NPAS3: variants seen among roughly 807,000 people sequenced by gnomAD.
The protein encoded by NPAS3 is neuronal PAS domain protein 3, also known as neuronal PAS domain-containing protein 3.
A neutral mutation model predicts 73.1 loss-of-function variants in NPAS3; 14 were observed. That is an observed-to-expected ratio of 0.19 (90% CI 0.13 to 0.30). NPAS3 has a LOEUF of 0.30. Ranked by LOEUF, NPAS3 falls within the 10% of genes least tolerant of loss-of-function variation. The pLI is 1.00. For synonymous variants in NPAS3, 620 were observed against 541.5 expected (o/e 1.14, Z -2.01); for missense variants, 1,096 against 1,250.0 (o/e 0.88, Z 1.86).
At chr14:33,764,332 G>C (rs2062391749) in intron 7 of NPAS3, among the ~76,000 whole-genome samples, 1 of 152,182 alleles carries the variant, frequency 6.6e-6, no homozygotes, top group Non-Finnish European at 1.5e-5. Context: ...AACAAACAAA[G>C]AGAAACAAAG....
chr14:33,490,813 G>T (rs2051856430), intron 4 of NPAS3, among the ~76,000 whole-genome samples: 1 of 152,150 alleles, frequency 6.6e-6, no homozygotes. Flanking sequence ...TTCATGTCCA[G>T]GAGCAAGCTC....
At chr14:33,504,320 T>C (rs1273474504) in intron 4 of NPAS3, among the ~76,000 whole-genome samples, 1 of 152,020 alleles carries the variant, frequency 6.6e-6, no homozygotes, top group Non-Finnish European at 1.5e-5. Flanking sequence ...CAGAAGGTTT[T>C]ATATTGCATG....
chr14:33,210,185 A>G (rs562626398), intron 2 of NPAS3, among the ~76,000 whole-genome samples: 64 of 152,280 alleles, frequency 4.2e-4, no homozygotes, highest in African/African-American at 1.5e-3. Context: ...ACAAAGGATA[A>G]CTTACCTCTT....
At chr14:33,672,324 T>C (rs894268854) in intron 5 of NPAS3, among the ~76,000 whole-genome samples, 3 of 152,244 alleles carry the variant, frequency 2.0e-5, no homozygotes, top group Non-Finnish European at 4.4e-5. Flanking sequence ...AATGCCATTA[T>C]ACTAACATAA....
intron 3 of NPAS3, among the ~76,000 whole-genome samples, chr14:33,281,727 GGTTT>G (rs1281378718): frequency 1.3e-5 from 2 of 151,790 alleles, no homozygotes; most frequent in Non-Finnish European, 2.9e-5. Context: ...CAATTTTCCT[GGTTT>G]GTTACCCAGA....
chr14:33,183,572 C>G (rs1307252004), intron 2 of NPAS3, among the ~76,000 whole-genome samples: 2 of 151,706 alleles, frequency 1.3e-5, no homozygotes, highest in African/African-American at 4.9e-5. Flanking sequence ...CTCCATCACG[C>G]CTGTGTCTGC....
chr14:33,177,046 A>G (rs1175030562), intron 2 of NPAS3, among the ~76,000 whole-genome samples: 1 of 147,470 alleles, frequency 6.8e-6, no homozygotes, highest in Non-Finnish European at 1.5e-5. Context: ...CAGATTCTTT[A>G]TTTTTTAATT....
chr14:33,790,081 T>G (rs1462497369), intron 9 of NPAS3, among the ~76,000 whole-genome samples: 1 of 152,172 alleles, frequency 6.6e-6, no homozygotes, highest in Admixed American at 6.5e-5. Flanking sequence ...ATATTCAAAT[T>G]AGAATCTCTC....
At chr14:33,113,132 A>C (rs1389341714) in intron 2 of NPAS3, among the ~76,000 whole-genome samples, 2 of 152,108 alleles carry the variant, frequency 1.3e-5, no homozygotes, top group Non-Finnish European at 2.9e-5. Context: ...TTGGCTTAGG[A>C]TTGACTTGGC....
At chr14:32,986,349 A>C (rs28531070) in intron 1 of NPAS3, among the ~76,000 whole-genome samples, 82,491 of 152,028 alleles carry the variant, frequency 0.54, 25,378 homozygotes, top group Non-Finnish European at 0.7. Context: ...TTAATTTAAA[A>C]TATTTTGGAT....
At chr14:33,595,336 T>A (rs1459020075) in intron 5 of NPAS3, among the ~76,000 whole-genome samples, 1 of 152,172 alleles carries the variant, frequency 6.6e-6, no homozygotes, top group Non-Finnish European at 1.5e-5. Flanking sequence ...CTTTTTTTTT[T>A]AACTGCCAGT....
intron 4 of NPAS3, among the ~76,000 whole-genome samples, chr14:33,399,804 A>C (rs1476647295): frequency 6.6e-6 from 1 of 152,090 alleles, no homozygotes; most frequent in Non-Finnish European, 1.5e-5. Flanking sequence ...ATTCAAAGAC[A>C]ATATGAGTAG....
intron 4 of NPAS3, among the ~76,000 whole-genome samples, chr14:33,490,743 T>A (rs929497815): frequency 6.6e-6 from 1 of 152,134 alleles, no homozygotes; most frequent in East Asian, 1.9e-4. Flanking sequence ...CTGGAACAAA[T>A]CAAGTCCTTT....
intron 2 of NPAS3, among the ~76,000 whole-genome samples, chr14:33,195,804 T>C (rs1230913545): frequency 6.6e-6 from 1 of 152,212 alleles, no homozygotes; most frequent in Non-Finnish European, 1.5e-5. Flanking sequence ...TTAATAACCA[T>C]GCAAACTCAC....
At chr14:33,050,288 C>CA (rs2040658659) in intron 1 of NPAS3, among the ~76,000 whole-genome samples, 1 of 152,136 alleles carries the variant, frequency 6.6e-6, no homozygotes, top group Admixed American at 6.6e-5. Context: ...AAGCTGGAAT[C>CA]TATTTTCTTA....
chr14:33,203,837 C>A (rs2046716722), intron 2 of NPAS3, among the ~76,000 whole-genome samples: 1 of 152,202 alleles, frequency 6.6e-6, no homozygotes, highest in African/African-American at 2.4e-5. Context: ...GGTATATAAC[C>A]AGTAATGGGA....
intron 5 of NPAS3, among the ~76,000 whole-genome samples, chr14:33,577,808 T>G (rs147864387): frequency 6.6e-6 from 1 of 152,262 alleles, no homozygotes; most frequent in African/African-American, 2.4e-5. Context: ...TAAAACATTG[T>G]TGGCCAAGAA....
intron 5 of NPAS3, chr14:33,608,537 T>G (rs1695193140): frequency 6.6e-6 from 1 of 152,188 alleles, no homozygotes. Context: ...GAGTTCAGGC[T>G]TAAGAGTGAG....
At chr14:33,795,269 G>T (rs536562831) in intron 10 of NPAS3, among the ~76,000 whole-genome samples, 16 of 151,208 alleles carry the variant, frequency 1.1e-4, no homozygotes, top group Non-Finnish European at 1.8e-4. Flanking sequence ...CCTTTTTTTT[G>T]ACCTCTTCTG....
Sources: gnomAD v4.1 joint callset for allele counts (sites outside exome capture counted in the v4.1 genomes callset) on GRCh38, gnomAD v4.1.1 for gene constraint, MANE v1.5 for transcripts, NCBI Gene and HGNC (gene_info 2026-07-23, HGNC 2026-07-21) for gene names.